IL6ST: variants seen among roughly 807,000 people sequenced by gnomAD.
IL6ST encodes the protein interleukin 6 cytokine family signal transducer, also known as interleukin-6 receptor subunit beta.
In IL6ST, 24 loss-of-function variants were observed where a neutral mutation model predicts 91.3. The ratio of observed to expected loss-of-function variants is 0.26; its 90% CI spans 0.19 to 0.37. The LOEUF (loss-of-function observed/expected upper bound fraction) is 0.37. IL6ST is among the 10% of genes least tolerant of loss of function. IL6ST has a pLI of 1.00. For missense variants in IL6ST, 914 were observed against 1,078.5 expected, an observed-to-expected ratio of 0.85 and a Z score of 2.14; for synonymous variants, 351 against 373.6, an observed-to-expected ratio of 0.94 and a Z score of 0.70.
At position 55,936,083 on chromosome 5, in the gene IL6ST, A is replaced by G. The variant is rs976007391; in HGVS notation, c.*4999T>C. 4.4e-5 allele frequency: 10 copies of G among 228,128 alleles called. No homozygotes were observed. The highest frequency in any genetic ancestry group is 7.8e-5 in the Non-Finnish European group (9 of 114,932). The allele number at this position is 228,128 out of a possible 1,614,324, so 14.1% of individuals were successfully genotyped here. ...GCTTGTGGGTTTTTTGACTCACTACATTTTTTTAGACAAAATCACAATGTG... is the reference window on the plus strand; with the variant it reads ...GCTTGTGGGTTTTTTGACTCACTACGTTTTTTTAGACAAAATCACAATGTG... On this transcript the variant is annotated 3_prime_UTR_variant, in exon 17 of 17. Transcript: ENST00000381298.
At chr5:55,968,848 C>T (rs1752788034) in intron 4 of IL6ST, among the ~76,000 whole-genome samples, 1 of 152,134 alleles carries the variant, frequency 6.6e-6, no homozygotes, top group African/African-American at 2.4e-5. Flanking sequence ...TCTGGGTGAT[C>T]CACAAATTAG....
rs566324040 is a variant in IL6ST at position 55,983,834 on chromosome 5, A to AAG, written c.-103-1025_-103-1024dup. Among the ~76,000 whole-genome samples, 472 of 152,294 alleles carry AAG rather than the reference A, an allele frequency of 3.1e-3. 6 individuals are homozygous for AAG. Among genetic ancestry groups the AAG allele is most frequent in the African/African-American group, 0.011 (457 of 41,568 alleles). On this transcript the variant is annotated intron_variant, in intron 1 of 16. Transcript: ENST00000381298. ...AATATACACACTTTTCTATTTTACAAAGATGGGATCATGTAAGTGAGAAAT... is the reference window on the plus strand; with the variant it reads ...AATATACACACTTTTCTATTTTACAAAGAGATGGGATCATGTAAGTGAGAAAT...
chr5:55,974,314 CT>C lies in IL6ST; in HGVS notation c.64+1900del, dbSNP rs1484749138. 9.9e-5 allele frequency among the ~76,000 whole-genome samples: 15 copies of C among 152,204 alleles called. No individual in the cohort carries two copies. In the East Asian group the frequency reaches 1.5e-3, roughly 16 times the overall value. ...GCCAAACACTGTCCAAATATTTCCT[CT>C]ATATTAACTTATTTTTGGTTGTTTT... On this transcript the variant is annotated intron_variant, in intron 3 of 16. Transcript: ENST00000381298.
intron 1 of IL6ST, among the ~76,000 whole-genome samples, chr5:55,993,166 G>A (rs1445339838): frequency 6.6e-6 from 1 of 152,182 alleles, no homozygotes; most frequent in Non-Finnish European, 1.5e-5. Flanking sequence ...GCTCTGAAAG[G>A]AGGGAGCGGG....
intron 2 of IL6ST, among the ~76,000 whole-genome samples, chr5:55,982,241 G>A (rs953047069): frequency 2.6e-5 from 4 of 151,816 alleles, no homozygotes; most frequent in African/African-American, 4.8e-5. Context: ...TAAAAAGCAC[G>A]AATATATTTA....
chr5:55,994,688 G>A (rs546445753), intron 1 of IL6ST, 96 bp downstream of exon 1: 11 of 152,456 alleles, frequency 7.2e-5, no homozygotes, highest in African/African-American at 2.4e-4. Context: ...GCTGCTCTCA[G>A]GGGGAAGGGA....
chr5:55,949,555 T>A (rs1359740038), intron 14 of IL6ST, among the ~76,000 whole-genome samples: 1 of 152,208 alleles, frequency 6.6e-6, no homozygotes, highest in Non-Finnish European at 1.5e-5. Flanking sequence ...CAAAGCTCTG[T>A]AGAGATGGCT....
intron 8 of IL6ST, among the ~76,000 whole-genome samples, chr5:55,959,200 T>C (rs1390763430): frequency 6.6e-6 from 1 of 152,190 alleles, no homozygotes; most frequent in Non-Finnish European, 1.5e-5. Context: ...CTCCTCCCCA[T>C]GTATCTCATT....
In IL6ST at chr5:55,977,938, G is replaced by A. The variant is rs1753411836; in HGVS notation, c.-15-1645C>T. On this transcript the variant is annotated intron_variant, in intron 2 of 16. Transcript: ENST00000381298. ...TGTTTGAACCCGGAAGGCAGGGGCT[G>A]CAGTGAGCTGAGATGGCACCACTGC... Among the ~76,000 whole-genome samples, 6 of 152,112 alleles carry A rather than the reference G, an allele frequency of 3.9e-5. 1 individual carries two copies. The highest frequency in any genetic ancestry group is 3.9e-4 in the Admixed American group (6 of 15,260).
intron 2 of IL6ST, among the ~76,000 whole-genome samples, chr5:55,980,887 G>A (rs1753621016): frequency 6.6e-6 from 1 of 152,114 alleles, no homozygotes; most frequent in Non-Finnish European, 1.5e-5. Context: ...AGCATGCCCA[G>A]CTAATTTTTT....
intron 14 of IL6ST, among the ~76,000 whole-genome samples, chr5:55,950,589 C>T (rs1219371961): frequency 7.2e-6 from 1 of 139,794 alleles, no homozygotes. Flanking sequence ...GAAGAAAACA[C>T]CAAAGAACAA....
Position 55,938,587 on chromosome 5 carries a change from C to G in IL6ST, c.*2495G>C. On this transcript the variant is annotated 3_prime_UTR_variant, in exon 17 of 17. Coordinates refer to ENST00000381298, the MANE Select transcript of IL6ST (RefSeq NM_002184.4). ...TCTGATGTGCTATTACTTTAAACAC[C>G]ACTTTTGGACACTAAAGATTTAAAG... 1 of 196,914 alleles carries G rather than the reference C, an allele frequency of 5.1e-6. No homozygotes were observed. Among genetic ancestry groups the G allele is most frequent in the East Asian group, 7.9e-5 (1 of 12,652 alleles). 12.2% of individuals were successfully genotyped at this position (196,914 alleles called of 1,614,324 possible). A position where few individuals can be genotyped will look rare whatever the true frequency, so the allele number is the denominator to read the frequency against.
At chr5:55,984,939 T>C (rs762459565) in intron 1 of IL6ST, among the ~76,000 whole-genome samples, 3 of 152,202 alleles carry the variant, frequency 2.0e-5, no homozygotes, top group Non-Finnish European at 4.4e-5. Context: ...AAGAGTGGAA[T>C]GGCTAGGCCC....
intron 7 of IL6ST, 139 bp downstream of exon 7, chr5:55,963,213 A>G (rs1283143610): frequency 7.0e-6 from 4 of 571,682 alleles, no homozygotes; most frequent in Non-Finnish European, 1.2e-5. Flanking sequence ...CTTGTTTGAA[A>G]TAACAACCCA....
At chr5:55,977,892 T>TG (rs1315836248) in intron 2 of IL6ST, among the ~76,000 whole-genome samples, 1 of 150,808 alleles carries the variant, frequency 6.6e-6, no homozygotes, top group Non-Finnish European at 1.5e-5. Flanking sequence ...CAGCTACTCA[T>TG]GAGGCTTGAG....
chr5:55,940,923 T>C lies in IL6ST; in HGVS notation c.*159A>G, dbSNP rs1750861980. 1 of 647,604 alleles carries C rather than the reference T, an allele frequency of 1.5e-6. No homozygotes were observed. The highest frequency in any genetic ancestry group is 2.2e-5 in the South Asian group (1 of 46,212). The allele number at this position is 647,604 out of a possible 1,614,324, so 40.1% of individuals were successfully genotyped here. The stretch of plus-strand genomic sequence containing the variant: ...AAGTAGAATCCCAGATATTCTGGAA[T>C]GGAAATAGCTCATGTGAAACTTCAG... On this transcript the variant is annotated 3_prime_UTR_variant, in exon 17 of 17. Coordinates refer to ENST00000381298, the MANE Select transcript of IL6ST (RefSeq NM_002184.4).
intron 3 of IL6ST, 64 bp downstream of exon 3, chr5:55,976,151 A>G (rs750117191): frequency 1.5e-6 from 1 of 661,276 alleles, no homozygotes; most frequent in South Asian, 3.0e-5. Flanking sequence ...TAATTATATA[A>G]TAATATAAAA....
At chr5:55,968,481 T>A (rs575407165) in intron 4 of IL6ST, 85 bp from the exon 5 acceptor site, 1 of 1,288,304 alleles carries the variant, frequency 7.8e-7, no homozygotes, top group Non-Finnish European at 1.1e-6. Flanking sequence ...GCATTTGCGA[T>A]CTAAATTAGA....
chr5:55,989,333 A>C (rs1754182194), intron 1 of IL6ST, among the ~76,000 whole-genome samples: 1 of 152,184 alleles, frequency 6.6e-6, no homozygotes, highest in African/African-American at 2.4e-5. Flanking sequence ...TTCAATAAAT[A>C]GTATTGGGAC....
Sources: allele counts gnomAD v4.1 joint callset (sites outside exome capture counted in the v4.1 genomes callset), GRCh38; gene constraint gnomAD v4.1.1; transcripts MANE v1.5; gene names NCBI Gene and HGNC (gene_info 2026-07-23, HGNC 2026-07-21).